Variants in AFG2A observed in about 807,000 individuals in gnomAD.
AFG2A encodes the protein ATPase family gene 2 protein homolog A.
At chr4:123,251,427 C>G in the AFG2A span, among the ~76,000 whole-genome samples, 114 of 152,170 alleles carry the variant, frequency 7.5e-4, no homozygotes, top group African/African-American at 2.6e-3. Flanking sequence ...CATGTAGTGT[C>G]AAAATAGTAA....
At chr4:123,295,702 T>C in the AFG2A span, among the ~76,000 whole-genome samples, 1 of 152,218 alleles carries the variant, frequency 6.6e-6, no homozygotes, top group Non-Finnish European at 1.5e-5. Context: ...GCCTGCACTC[T>C]ACCAAACATG....
At chr4:122,961,798 C>T in the AFG2A span, among the ~76,000 whole-genome samples, 1 of 152,208 alleles carries the variant, frequency 6.6e-6, no homozygotes, top group African/African-American at 2.4e-5. Context: ...AACCACTGTT[C>T]TGGCTGACAG....
the AFG2A span, among the ~76,000 whole-genome samples, chr4:123,121,260 A>T: frequency 0.015 from 1,823 of 122,960 alleles, 37 homozygotes; most frequent in South Asian, 0.15. Flanking sequence ...AAAAAAAAAA[A>T]TAATAAATAA....
the AFG2A span, among the ~76,000 whole-genome samples, chr4:123,152,637 A>G: frequency 6.6e-6 from 1 of 152,230 alleles, no homozygotes; most frequent in Admixed American, 6.5e-5. Flanking sequence ...TGGAGCATCA[A>G]GAACTTTCAT....
chr4:123,168,763 G>A, the AFG2A span, among the ~76,000 whole-genome samples: 2 of 152,180 alleles, frequency 1.3e-5, no homozygotes, highest in East Asian at 3.8e-4. Flanking sequence ...ACTAAAAGCT[G>A]TAAATATTAT....
the AFG2A span, among the ~76,000 whole-genome samples, chr4:123,032,383 C>T: frequency 6.6e-6 from 1 of 152,076 alleles, no homozygotes; most frequent in Non-Finnish European, 1.5e-5. Flanking sequence ...AATTATACTT[C>T]GAATTTTAAT....
At chr4:123,151,174 A>T in the AFG2A span, among the ~76,000 whole-genome samples, 2 of 152,236 alleles carry the variant, frequency 1.3e-5, no homozygotes, top group African/African-American at 4.8e-5. Flanking sequence ...ACCCTAGAAG[A>T]AAACCTAGGC....
chr4:123,189,313 A>C, the AFG2A span, among the ~76,000 whole-genome samples: 1 of 152,208 alleles, frequency 6.6e-6, no homozygotes, highest in Non-Finnish European at 1.5e-5. Flanking sequence ...TCATCTGCTC[A>C]GAGTTGTAAG....
chr4:122,971,706 A>T, the AFG2A span, among the ~76,000 whole-genome samples: 1 of 152,026 alleles, frequency 6.6e-6, no homozygotes, highest in East Asian at 1.9e-4. Context: ...CGTGATAAGG[A>T]GGTTTGTATC....
the AFG2A span, among the ~76,000 whole-genome samples, chr4:122,955,673 T>A: frequency 6.6e-6 from 1 of 152,232 alleles, no homozygotes; most frequent in African/African-American, 2.4e-5. Context: ...TTTAGGAATC[T>A]TTGAATATCT....
the AFG2A span, among the ~76,000 whole-genome samples, chr4:123,062,717 G>A: frequency 1.3e-5 from 2 of 152,176 alleles, no homozygotes; most frequent in East Asian, 3.8e-4. Context: ...TTAGATTTGT[G>A]TATATAAACA....
chr4:123,205,266 A>G, the AFG2A span, among the ~76,000 whole-genome samples: 2 of 151,754 alleles, frequency 1.3e-5, no homozygotes, highest in East Asian at 3.9e-4. Context: ...AGATTAGACC[A>G]TACATTTCAG....
At chr4:123,205,441 AT>A in the AFG2A span, among the ~76,000 whole-genome samples, 1,701 of 152,154 alleles carry the variant, frequency 0.011, 32 homozygotes, top group African/African-American at 0.038. Flanking sequence ...GGTCAAAAAA[AT>A]TTTTAAGAAA....
chr4:123,016,858 G>C, the AFG2A span, among the ~76,000 whole-genome samples: 1 of 152,202 alleles, frequency 6.6e-6, no homozygotes, highest in Non-Finnish European at 1.5e-5. Context: ...ACCAGACTCC[G>C]TCTGCAATCC....
chr4:123,061,034 A>G, the AFG2A span, among the ~76,000 whole-genome samples: 23 of 152,206 alleles, frequency 1.5e-4, 1 homozygote, highest in South Asian at 2.1e-3. Context: ...CATGTTCCTC[A>G]TTTTCATCTG....
the AFG2A span, among the ~76,000 whole-genome samples, chr4:123,229,230 G>A: frequency 6.6e-6 from 1 of 152,008 alleles, no homozygotes. Flanking sequence ...TAGTCTGGGA[G>A]ATTAGGAAAG....
the AFG2A span, chr4:123,090,781 CA>C: frequency 6.4e-7 from 1 of 1,559,374 alleles, no homozygotes; most frequent in Middle Eastern, 1.7e-4. Context: ...TTGTTTTTGT[CA>C]AATTACTTTC....
chr4:123,028,524 G>A, the AFG2A span: 1 of 699,646 alleles, frequency 1.4e-6, no homozygotes, highest in South Asian at 1.9e-5. Context: ...TTTATTTGAT[G>A]TTGATGGCAA....
At chr4:123,188,176 T>G in the AFG2A span, among the ~76,000 whole-genome samples, 1 of 152,092 alleles carries the variant, frequency 6.6e-6, no homozygotes, top group African/African-American at 2.4e-5. Context: ...AATTCTATAT[T>G]TTGTTAAAGA....
Sources: gnomAD v4.1 joint callset for allele counts (sites outside exome capture counted in the v4.1 genomes callset) on GRCh38, gnomAD v4.1.1 for gene constraint, MANE v1.5 for transcripts, NCBI Gene and HGNC (gene_info 2026-07-23, HGNC 2026-07-21) for gene names.